NTN4: variants seen among roughly 807,000 people sequenced by gnomAD.
NTN4 encodes netrin 4.
Under a neutral mutation model 73.6 loss-of-function variants are expected in NTN4, and 32 were observed. The observed-to-expected ratio is 0.44, with a 90% CI of 0.33 to 0.58. NTN4 has a LOEUF of 0.58. Ranked by LOEUF, NTN4 falls within the 20% of genes least tolerant of loss-of-function variation. The probability of loss-of-function intolerance (pLI) is 0.04; values close to 1 mark genes in which losing one functional copy is unlikely to be tolerated. For missense variants in NTN4, 654 were observed against 798.3 expected, an observed-to-expected ratio of 0.82 and a Z score of 2.18; for synonymous variants, 258 against 287.5, an observed-to-expected ratio of 0.90 and a Z score of 1.04.
At chr12:95,725,894 GT>G in intron 3 of NTN4, among the ~76,000 whole-genome samples, 1 of 152,122 alleles carries the variant, frequency 6.6e-6, no homozygotes, top group Non-Finnish European at 1.5e-5. Context: ...GTGACTATCT[GT>G]GTATGGCCAG....
intron 2 of NTN4, among the ~76,000 whole-genome samples, chr12:95,763,386 T>A (rs930379545): frequency 6.6e-6 from 1 of 152,266 alleles, no homozygotes; most frequent in Non-Finnish European, 1.5e-5. Context: ...TAGAAAGGTC[T>A]AATTAACAAA....
At position 95,729,908 on chromosome 12, in the gene NTN4, C is replaced by G. The variant is rs73379026; in HGVS notation, c.864+7958G>C. Among the ~76,000 whole-genome samples, 1,036 of 152,248 alleles carry G rather than the reference C, an allele frequency of 6.8e-3. 17 individuals carry two copies. Among genetic ancestry groups the G allele is most frequent in the African/African-American group, 0.023 (974 of 41,526 alleles). ...TTTTCTCTTTCCATATAGCTTCCTTCTCCCCATGAACCCATTATATTAGCA... is the reference window on the plus strand; with the variant it reads ...TTTTCTCTTTCCATATAGCTTCCTTGTCCCCATGAACCCATTATATTAGCA... On this transcript the variant is annotated intron_variant, in intron 3 of 9. Coordinates refer to ENST00000343702, the MANE Select transcript of NTN4 (RefSeq NM_021229.4).
At chr12:95,776,007 A>G (rs1041888336) in intron 2 of NTN4, among the ~76,000 whole-genome samples, 12 of 152,360 alleles carry the variant, frequency 7.9e-5, no homozygotes, top group Admixed American at 5.9e-4. Flanking sequence ...GTTCAGCAAT[A>G]TTCGCTGTTC....
chr12:95,764,719 A>G (rs564523345), intron 2 of NTN4, among the ~76,000 whole-genome samples: 1 of 151,594 alleles, frequency 6.6e-6, no homozygotes, highest in African/African-American at 2.4e-5. Context: ...GAAATAATAC[A>G]TCACTGAACT....
chr12:95,698,046 T>C (rs2078455274), intron 5 of NTN4, among the ~76,000 whole-genome samples: 1 of 152,226 alleles, frequency 6.6e-6, no homozygotes, highest in Non-Finnish European at 1.5e-5. Context: ...AGAGATGATT[T>C]ACAGTATACA....
chr12:95,700,080 ATTTTTTTTTTTTTTTTTT>A (rs56063223), intron 5 of NTN4, among the ~76,000 whole-genome samples: 2,701 of 41,944 alleles, frequency 0.064, 120 homozygotes, highest in Non-Finnish European at 0.083. Flanking sequence ...TAAAGTGAGG[ATTTTTTTTTTTTTTTTTT>A]TTTTTTTTTT....
intron 3 of NTN4, 37 bp downstream of exon 3, chr12:95,737,829 G>T: frequency 6.3e-7 from 1 of 1,582,056 alleles, no homozygotes; most frequent in Non-Finnish European, 8.6e-7. Context: ...GGTAACTTAT[G>T]ATTTGTTTTT....
At chr12:95,679,882 A>G (rs1042560280) in intron 7 of NTN4, among the ~76,000 whole-genome samples, 1 of 152,044 alleles carries the variant, frequency 6.6e-6, no homozygotes, top group African/African-American at 2.4e-5. Flanking sequence ...TTCCAGCCAC[A>G]CTGGCCTTCT....
Position 95,713,217 on chromosome 12 carries a change from C to T in NTN4, c.986G>A (p.Cys329Tyr). The stretch of plus-strand genomic sequence containing the variant: ...ATCGTGGGCTTGTTACTTACTTCTG[C>T]ACTCGTTGGGAGCCCCCGTTTTGCC... Reference protein sequence around the residue: ...ADGKTGAPNECRTCKCNGHAD... With the variant: ...ADGKTGAPNEYRTCKCNGHAD... The change falls in exon 4 of 10, where the codon TGC (cysteine) becomes TAC (tyrosine). Residue 329 changes from cysteine to tyrosine, a missense_variant. Physicochemically the swap from Cys to Tyr is radical, Grantham distance 194. Transcript: ENST00000343702. The T allele has an allele frequency of 6.2e-7, 1 of 1,612,900 alleles. No homozygotes were observed.
At chr12:95,776,150 AC>A (rs1395824316) in intron 2 of NTN4, among the ~76,000 whole-genome samples, 1 of 152,098 alleles carries the variant, frequency 6.6e-6, no homozygotes, top group African/African-American at 2.4e-5. Context: ...CCACACCAAA[AC>A]CCCATCTGTA....
At chr12:95,694,961 C>G (rs1237048208) in intron 5 of NTN4, among the ~76,000 whole-genome samples, 1 of 152,086 alleles carries the variant, frequency 6.6e-6, no homozygotes, top group Non-Finnish European at 1.5e-5. Context: ...AACCCCATCT[C>G]TACTCAAAAT....
intron 8 of NTN4, among the ~76,000 whole-genome samples, chr12:95,667,430 GAGC>G (rs1206229066): frequency 6.6e-6 from 1 of 151,958 alleles, no homozygotes; most frequent in Admixed American, 6.6e-5. Context: ...TGTGTAATGA[GAGC>G]ACTCTATCTT....
chr12:95,658,322 G>A lies in NTN4; in HGVS notation c.*764C>T, dbSNP rs1360023311. The A allele has an allele frequency of 1.3e-5, 2 of 152,098 alleles. No individual in the cohort carries two copies. The highest frequency in any genetic ancestry group is 2.9e-5 in the Non-Finnish European group (2 of 68,016). The allele number at this position is 152,098 out of a possible 1,614,324, so 9.4% of individuals were successfully genotyped here. A position where few individuals can be genotyped will look rare whatever the true frequency, so the allele number is the denominator to read the frequency against. ...TTAGTTTTTTAAAAAGTTTCATCAT[G>A]GCTGTCATCTTGGAATCTAGCCTCC... On this transcript the variant is annotated 3_prime_UTR_variant, in exon 10 of 10. Coordinates refer to ENST00000343702, the MANE Select transcript of NTN4 (RefSeq NM_021229.4).
intron 7 of NTN4, chr12:95,673,004 G>C (rs2078245516): frequency 1.6e-6 from 2 of 1,286,842 alleles, no homozygotes; most frequent in Admixed American, 1.7e-5. Flanking sequence ...GAGTTCCTGG[G>C]GGATGAAGGG....
chr12:95,765,004 C>T (rs2079011425), intron 2 of NTN4, among the ~76,000 whole-genome samples: 2 of 152,216 alleles, frequency 1.3e-5, no homozygotes, highest in African/African-American at 4.8e-5. Context: ...CACTCACTCA[C>T]TGTAGAGCAA....
At chr12:95,750,090 C>A (rs150512834) in intron 2 of NTN4, among the ~76,000 whole-genome samples, 4 of 151,934 alleles carry the variant, frequency 2.6e-5, no homozygotes, top group African/African-American at 9.6e-5. Context: ...AACCTCGTAT[C>A]TCTGCGCCCC....
intron 3 of NTN4, among the ~76,000 whole-genome samples, chr12:95,727,835 G>T (rs748959463): frequency 5.5e-4 from 83 of 152,280 alleles, no homozygotes; most frequent in Non-Finnish European, 1.0e-3. Context: ...CTGCAAAAAG[G>T]GCAGCTAGAA....
intron 2 of NTN4, among the ~76,000 whole-genome samples, chr12:95,741,077 T>C (rs1425215583): frequency 1.3e-5 from 2 of 152,084 alleles, no homozygotes; most frequent in African/African-American, 4.8e-5. Flanking sequence ...CAGGCTGCTA[T>C]TGTTAGGCAA....
intron 5 of NTN4, among the ~76,000 whole-genome samples, chr12:95,699,386 A>C (rs2078466000): frequency 6.6e-6 from 1 of 152,230 alleles, no homozygotes; most frequent in Non-Finnish European, 1.5e-5. Flanking sequence ...TAATTAGTGT[A>C]AAAATTGTAC....
Sources: gnomAD v4.1 joint callset for allele counts (sites outside exome capture counted in the v4.1 genomes callset) on GRCh38, gnomAD v4.1.1 for gene constraint, MANE v1.5 for transcripts, NCBI Gene and HGNC (gene_info 2026-07-23, HGNC 2026-07-21) for gene names.